The following IQGAP2 variants were observed in gnomAD, a reference collection of about 807,000 sequenced individuals.
IQGAP2 encodes ras GTPase-activating-like protein IQGAP2.
IQGAP2 carries 173 observed loss-of-function variants against 201.3 expected under a neutral mutation model. The ratio of observed to expected loss-of-function variants is 0.86; its 90% CI spans 0.76 to 0.98. IQGAP2 has a LOEUF of 0.98. Ranked by LOEUF, IQGAP2 falls within the 50% of genes least tolerant of loss-of-function variation. The pLI is 0.00. For missense variants in IQGAP2, 1,687 were observed against 1,864.8 expected, an observed-to-expected ratio of 0.90 and a Z score of 1.76; for synonymous variants, 675 against 673.9, an observed-to-expected ratio of 1.00 and a Z score of -0.03.
chr5:76,565,069 G>A (rs375369539), intron 3 of IQGAP2, among the ~76,000 whole-genome samples: 109 of 152,286 alleles, frequency 7.2e-4, no homozygotes, highest in Middle Eastern at 3.4e-3. Flanking sequence ...TTATTTTAGC[G>A]CCTTTTCATC....
intron 30 of IQGAP2, among the ~76,000 whole-genome samples, chr5:76,690,287 T>G (rs1450855723): frequency 1.3e-5 from 2 of 152,200 alleles, no homozygotes; most frequent in Non-Finnish European, 2.9e-5. Flanking sequence ...TTTAAGGGAC[T>G]GAGTGGTTTC....
At position 76,618,065 on chromosome 5, in the gene IQGAP2, A is replaced by G. The variant is rs755143293; in HGVS notation, c.1521+6882A>G. On this transcript the variant is annotated intron_variant, in intron 13 of 35. Transcript: ENST00000274364. ...AGAAAACTGTTGCCCACACCAGTCCACATGTTACCAAGGCATAGGTGTGCT... is the reference window on the plus strand; with the variant it reads ...AGAAAACTGTTGCCCACACCAGTCCGCATGTTACCAAGGCATAGGTGTGCT... 2.5e-6 allele frequency: 4 copies of G among 1,614,162 alleles called. No homozygotes were observed. In the Admixed American group the frequency reaches 6.7e-5, roughly 27 times the overall value.
intron 2 of IQGAP2, among the ~76,000 whole-genome samples, chr5:76,549,587 G>C (rs923527155): frequency 6.6e-6 from 1 of 152,162 alleles, no homozygotes; most frequent in Admixed American, 6.5e-5. Context: ...AGATTGGGAG[G>C]CTTAAACAAC....
intron 15 of IQGAP2, among the ~76,000 whole-genome samples, chr5:76,635,492 GA>G: frequency 6.6e-6 from 1 of 152,220 alleles, no homozygotes. Flanking sequence ...GTTGCCTTAA[GA>G]AGGGTGATTA....
At chr5:76,665,551 CAG>C (rs1316163662) in intron 22 of IQGAP2, among the ~76,000 whole-genome samples, 6 of 152,136 alleles carry the variant, frequency 3.9e-5, no homozygotes, top group African/African-American at 1.4e-4. Flanking sequence ...AAAACAAAAA[CAG>C]GTGCTGTCAT....
At chr5:76,454,276 TTAGA>T (rs1159450727) in intron 1 of IQGAP2, among the ~76,000 whole-genome samples, 1 of 151,774 alleles carries the variant, frequency 6.6e-6, no homozygotes, top group East Asian at 1.9e-4. Flanking sequence ...AAAAAAGAAA[TTAGA>T]TATATATATA....
Position 76,474,900 on chromosome 5 carries a change from C to T in IQGAP2, c.146+13231C>T, listed in dbSNP as rs145492594. Reference sequence around the variant, plus strand: ...GCTGATTTTGTATTTTTAGTAGAGACGGGGTTTCACCATATTGGTCAGGCT... The same window carrying T: ...GCTGATTTTGTATTTTTAGTAGAGATGGGGTTTCACCATATTGGTCAGGCT... On this transcript the variant is annotated intron_variant, in intron 2 of 35. Transcript: ENST00000274364. Among the ~76,000 whole-genome samples, 630 of 152,242 alleles carry T rather than the reference C, an allele frequency of 4.1e-3. 2 individuals are homozygous for T. The highest frequency in any genetic ancestry group is 0.014 in the African/African-American group (590 of 41,554).
At chr5:76,662,752 A>G (rs762197611) in intron 21 of IQGAP2, among the ~76,000 whole-genome samples, 13 of 152,228 alleles carry the variant, frequency 8.5e-5, no homozygotes, top group Admixed American at 2.6e-4. Flanking sequence ...CTTGACCTCT[A>G]TCTGGTGGTA....
In IQGAP2 at chr5:76,674,542, T is replaced by C; in HGVS notation, c.3360T>C (p.Asp1120=). The part of the protein sequence containing the change: ...NPAIVAPDGF[D]IIDMTAGGQI... ...CCATTGTAGCTCCAGATGGCTTTGA[T>C]ATCATCGACATGACAGCTGGAGGTC... Residue 1120 remains aspartate, a synonymous_variant, in exon 27 of 36, where the codon GAT becomes GAC. Coordinates refer to ENST00000274364, the MANE Select transcript of IQGAP2 (RefSeq NM_006633.5). 1 of 1,614,158 alleles carries C rather than the reference T, an allele frequency of 6.2e-7. No homozygotes were observed. Among genetic ancestry groups the C allele is most frequent in the African/African-American group, 1.3e-5 (1 of 75,042 alleles).
At chr5:76,697,079 CTT>C (rs1746816907) in intron 32 of IQGAP2, among the ~76,000 whole-genome samples, 1 of 152,072 alleles carries the variant, frequency 6.6e-6, no homozygotes, top group Non-Finnish European at 1.5e-5. Flanking sequence ...ATGAAAAAAA[CTT>C]ATATCTGCAA....
At chr5:76,653,146 C>CT (rs1412977647) in intron 18 of IQGAP2, among the ~76,000 whole-genome samples, 3 of 152,130 alleles carry the variant, frequency 2.0e-5, no homozygotes, top group African/African-American at 4.8e-5. Flanking sequence ...TAGAACCCAG[C>CT]TTTTTTTCAT....
intron 2 of IQGAP2, among the ~76,000 whole-genome samples, chr5:76,463,643 A>T (rs182485694): frequency 6.8e-4 from 103 of 152,240 alleles, no homozygotes; most frequent in African/African-American, 2.5e-3. Context: ...TCTGTAGTTG[A>T]ATTTTGTTTC....
intron 11 of IQGAP2, among the ~76,000 whole-genome samples, chr5:76,603,786 G>C (rs953285084): frequency 1.3e-5 from 2 of 152,068 alleles, no homozygotes; most frequent in African/African-American, 2.4e-5. Flanking sequence ...AGCTTCCCAG[G>C]GCTCTTAGAT....
At chr5:76,646,261 ACATCAGAGAATTTTGCC>A (rs1448148981) in intron 17 of IQGAP2, among the ~76,000 whole-genome samples, 20 of 152,230 alleles carry the variant, frequency 1.3e-4, no homozygotes, top group African/African-American at 4.6e-4. Flanking sequence ...ACTGTTGGTG[ACATCAGAGAATTTTGCC>A]CATCTCAGAA....
intron 5 of IQGAP2, among the ~76,000 whole-genome samples, chr5:76,581,127 G>A (rs1745821420): frequency 6.6e-6 from 1 of 152,204 alleles, no homozygotes; most frequent in Admixed American, 6.5e-5. Flanking sequence ...GGTACTCTGG[G>A]AGCTTTGTGG....
chr5:76,590,470 G>A lies in IQGAP2; in HGVS notation c.703G>A (p.Val235Ile). The A allele has an allele frequency of 6.2e-7, 1 of 1,613,904 alleles. No homozygotes were observed. Among genetic ancestry groups the A allele is most frequent in the Non-Finnish European group, 8.5e-7 (1 of 1,179,886 alleles). ...VEKGIAEQTVVTLRNPNAVLT... is the reference protein window; with the variant it reads ...VEKGIAEQTVITLRNPNAVLT... ...AAAAGGAATAGCAGAGCAAACCGTT[G>A]TAACACTAAGAAACCCAAATGCGGT... The change falls in exon 8 of 36, where the codon GTA becomes ATA. Residue 235 changes from valine to isoleucine, a missense_variant. By Grantham distance (29) the Val-to-Ile change is conservative. Coordinates refer to ENST00000274364, the MANE Select transcript of IQGAP2 (RefSeq NM_006633.5).
intron 33 of IQGAP2, among the ~76,000 whole-genome samples, chr5:76,700,824 A>C (rs955823100): frequency 6.6e-6 from 1 of 152,236 alleles, no homozygotes; most frequent in Non-Finnish European, 1.5e-5. Flanking sequence ...ATAGAGTGTA[A>C]GTTTTATTAA....
chr5:76,446,681 C>T (rs1243546705), intron 1 of IQGAP2, among the ~76,000 whole-genome samples: 4 of 152,102 alleles, frequency 2.6e-5, no homozygotes, highest in Middle Eastern at 3.2e-3. Context: ...AACAAGAATT[C>T]GTTTAGAACC....
At chr5:76,597,359 C>T (rs747363296) in intron 9 of IQGAP2, 80 bp from the exon 10 acceptor site, 55 of 1,446,944 alleles carry the variant, frequency 3.8e-5, no homozygotes, top group Non-Finnish European at 5.0e-5. Context: ...AGGTTCAAAT[C>T]CTTGGGAAGA....
Sources: allele counts gnomAD v4.1 joint callset (sites outside exome capture counted in the v4.1 genomes callset), GRCh38; gene constraint gnomAD v4.1.1; transcripts MANE v1.5; gene names NCBI Gene and HGNC (gene_info 2026-07-23, HGNC 2026-07-21).